Variants in TPCN1 observed in about 807,000 individuals in gnomAD.
TPCN1 encodes the protein two pore segment channel 1.
In TPCN1, 52 loss-of-function variants were observed where a neutral mutation model predicts 108.8. The observed-to-expected ratio is 0.48, with a 90% CI of 0.38 to 0.60. The LOEUF is 0.60. Among genes scored for constraint, TPCN1 ranks in the 20% least tolerant of loss-of-function variants. TPCN1 has a pLI of 0.00. For missense variants in TPCN1, 806 were observed against 1,072.8 expected (o/e 0.75, Z 3.47); for synonymous variants, 446 against 433.7 (o/e 1.03, Z -0.35).
Position 113,266,489 on chromosome 12 carries a change from C to T in TPCN1, c.414+133C>T. On this transcript the variant is annotated intron_variant, in intron 4 of 27. Coordinates refer to ENST00000335509, the MANE Select transcript of TPCN1 (RefSeq NM_017901.6). This position sits in a 1 kb window ranked among gnomAD's most constrained non-coding sequence, Gnocchi z 4.2. ...TTAAAACAGAGAGATACGAGGTGGT[C>T]ATAGAGGCCTTGGGAGCGGAAATGC... 2 of 1,235,136 alleles carry T rather than the reference C, an allele frequency of 1.6e-6. No homozygotes were observed. The highest frequency in any genetic ancestry group is 2.3e-6 in the Non-Finnish European group (2 of 884,252). 76.5% of individuals were successfully genotyped at this position (1,235,136 alleles called of 1,614,324 possible). A position where few individuals can be genotyped will look rare whatever the true frequency, so the allele number is the denominator to read the frequency against.
chr12:113,253,557 T>TGGCTGGGTGCTC (rs1395585149), intron 2 of TPCN1, among the ~76,000 whole-genome samples: 1 of 152,200 alleles, frequency 6.6e-6, no homozygotes, highest in Non-Finnish European at 1.5e-5. Context: ...TGCTACCCCT[T>TGGCTGGGTGCTC]GGCTGGGTGC....
chr12:113,268,963 A>C lies in TPCN1; in HGVS notation c.659+91A>C. ...GCAGGAGCTTGTGAGTCAGTTAGTG[A>C]TGAGGTCGACCCTGCATGCTGGTGG... On this transcript the variant is annotated intron_variant, in intron 6 of 27. Coordinates refer to ENST00000335509, the MANE Select transcript of TPCN1 (RefSeq NM_017901.6). The surrounding 1 kb of genome is among the most constrained non-coding windows in gnomAD (Gnocchi z 7.3). 6.8e-7 allele frequency: 1 copy of C among 1,476,688 alleles called. No individual in the cohort carries two copies. Among genetic ancestry groups the C allele is most frequent in the African/African-American group, 1.4e-5 (1 of 72,544 alleles). 91.5% of individuals were successfully genotyped at this position (1,476,688 alleles called of 1,614,324 possible).
intron 3 of TPCN1, among the ~76,000 whole-genome samples, chr12:113,263,556 C>T (rs764201059): frequency 2.6e-5 from 4 of 152,226 alleles, no homozygotes; most frequent in African/African-American, 4.8e-5. Context: ...CCTCTGTGCC[C>T]GGCTCAAGAT....
At chr12:113,293,466 C>A in intron 27 of TPCN1, 117 bp downstream of exon 27, 2 of 992,966 alleles carry the variant, frequency 2.0e-6, no homozygotes, top group Non-Finnish European at 3.2e-6. Context: ...AGATGCAGAC[C>A]GTCCATCGGG....
chr12:113,280,273 AT>A (rs1256582213), intron 15 of TPCN1, 78 bp downstream of exon 15: 2 of 1,257,270 alleles, frequency 1.6e-6, no homozygotes, highest in East Asian at 4.7e-5. Context: ...GAGGCAAGAG[AT>A]TGGTCCTAGA....
rs912696212 is a variant in TPCN1, at chr12:113,252,184, A to C, written c.113-8184A>C. ...GGTTATGTATCGGGGAAGAGGGACT[A>C]TCTCTCACCCAAACCAGGACACCTA... On this transcript the variant is annotated intron_variant, in intron 2 of 27. Transcript: ENST00000335509. 3.3e-5 allele frequency among the ~76,000 whole-genome samples: 5 copies of C among 152,216 alleles called. No individual in the cohort carries two copies. In the East Asian group the frequency reaches 9.7e-4, roughly 29 times the overall value.
At chr12:113,222,297 G>A (rs1184182191) in intron 1 of TPCN1, among the ~76,000 whole-genome samples, 1 of 152,152 alleles carries the variant, frequency 6.6e-6, no homozygotes, top group Non-Finnish European at 1.5e-5. Flanking sequence ...AGACTGCCTG[G>A]GTTGAAACTT....
Position 113,278,785 on chromosome 12 carries a change from G to A in TPCN1, c.1247G>A (p.Arg416Lys). 1 of 1,614,050 alleles carries A rather than the reference G, an allele frequency of 6.2e-7. No individual in the cohort carries two copies. The highest frequency in any genetic ancestry group is 8.5e-7 in the Non-Finnish European group (1 of 1,179,934). ...GTTGTCTACCAGGCCAAGAAAAACA[G>A]AGAGCACTGGTTTGATGAGCTTCCC... ...AALKWKAKKN[R>K]EHWFDELPRT... The change falls in exon 14 of 28, where the codon AGA becomes AAA. Residue 416 changes from arginine (R) to lysine (K), a missense_variant. Transcript: ENST00000335509.
At chr12:113,285,288 C>A (rs1475816511) in intron 17 of TPCN1, among the ~76,000 whole-genome samples, 1 of 152,222 alleles carries the variant, frequency 6.6e-6, no homozygotes, top group East Asian at 1.9e-4. Flanking sequence ...CAATGCAAGG[C>A]CCAAGGTAGA....
intron 11 of TPCN1, 32 bp downstream of exon 11, chr12:113,277,067 C>T (rs768610792): frequency 6.3e-7 from 1 of 1,597,998 alleles, no homozygotes. Flanking sequence ...GGGGCTTGGT[C>T]CCTGTCCTCC....
rs777939097 is a variant in TPCN1 at position 113,231,056 on chromosome 12, C to T, written c.112+4092C>T. Among the ~76,000 whole-genome samples the T allele has an allele frequency of 4.7e-4, 71 of 152,322 alleles. No homozygotes were observed. Among genetic ancestry groups the T allele is most frequent in the African/African-American group, 1.3e-3 (55 of 41,558 alleles). On this transcript the variant is annotated intron_variant, in intron 2 of 27. Transcript: ENST00000335509. This position sits in a 1 kb window ranked among gnomAD's most constrained non-coding sequence, Gnocchi z 4.3. ...TGGCAGAATGCAGATGCAGGCCATCCGCGGAGTTGGCAACGACATGAGCAT... is the reference window on the plus strand; with the variant it reads ...TGGCAGAATGCAGATGCAGGCCATCTGCGGAGTTGGCAACGACATGAGCAT...
chr12:113,287,409 C>T, intron 19 of TPCN1: 1 of 338,024 alleles, frequency 3.0e-6, no homozygotes. Context: ...CACAGAGCCA[C>T]AGGTCTGAGG....
chr12:113,295,920 G>A (rs1225486610), intron 27 of TPCN1, 40 bp from the exon 28 acceptor site: 56 of 1,530,578 alleles, frequency 3.7e-5, no homozygotes, highest in East Asian at 4.9e-5. Flanking sequence ...GGCAGGGGGT[G>A]GGGTGCAGCC....
chr12:113,235,799 A>T (rs1566139696), intron 2 of TPCN1, among the ~76,000 whole-genome samples: 1 of 152,062 alleles, frequency 6.6e-6, no homozygotes, highest in South Asian at 2.1e-4. Context: ...GCAGGAGGAG[A>T]TGGCGTGCTT....
Position 113,268,953 on chromosome 12 carries a change from T to G in TPCN1, c.659+81T>G. 1 of 1,550,334 alleles carries G rather than the reference T, an allele frequency of 6.5e-7. No individual in the cohort carries two copies. The highest frequency in any genetic ancestry group is 8.8e-7 in the Non-Finnish European group (1 of 1,130,834). ...GGCCAGTGGGGCAGGAGCTTGTGAG[T>G]CAGTTAGTGATGAGGTCGACCCTGC... On this transcript the variant is annotated intron_variant, in intron 6 of 27. Transcript: ENST00000335509. The surrounding 1 kb of genome is among the most constrained non-coding windows in gnomAD (Gnocchi z 7.3).
chr12:113,248,356 CCA>C (rs1490605965), intron 2 of TPCN1, among the ~76,000 whole-genome samples: 2 of 152,262 alleles, frequency 1.3e-5, no homozygotes, highest in Non-Finnish European at 2.9e-5. Flanking sequence ...CCTGGGAACA[CCA>C]CAGTGACCAA....
At chr12:113,285,839 T>G in intron 17 of TPCN1, 50 bp from the exon 18 acceptor site, 7 of 1,495,946 alleles carry the variant, frequency 4.7e-6, no homozygotes, top group Non-Finnish European at 6.5e-6. Flanking sequence ...AGACCGAGCA[T>G]GGGGGAGGAT....
chr12:113,277,331 AG>A lies in TPCN1; in HGVS notation c.1153del (p.Ala385ProfsTer2). 1.2e-6 allele frequency: 2 copies of A among 1,614,194 alleles called. No homozygotes were observed. The highest frequency in any genetic ancestry group is 1.7e-6 in the Non-Finnish European group (2 of 1,180,036). ...MSARERYLTF[K>X]ALNQNNTPLL... ...GCCAGGGAGCGCTATCTTACCTTCA[AG>A]GCCCTGAATCAGAACAACACACCCC... On this transcript the variant is annotated frameshift_variant, in exon 12 of 28. Coordinates refer to ENST00000335509, the MANE Select transcript of TPCN1 (RefSeq NM_017901.6). LOFTEE classifies it high-confidence loss of function.
chr12:113,239,861 TA>T (rs1269886311), intron 2 of TPCN1, among the ~76,000 whole-genome samples: 1 of 152,188 alleles, frequency 6.6e-6, no homozygotes, highest in Non-Finnish European at 1.5e-5. Context: ...GGGATTTTAT[TA>T]TTTTTTTTTC....
Sources: allele counts gnomAD v4.1 joint callset (sites outside exome capture counted in the v4.1 genomes callset), GRCh38; gene constraint gnomAD v4.1.1; non-coding constraint Gnocchi (gnomAD v3.1); transcripts MANE v1.5; gene names NCBI Gene and HGNC (gene_info 2026-07-23, HGNC 2026-07-21).